The following KAT2B variants were observed in gnomAD, a reference collection of about 807,000 sequenced individuals.
KAT2B encodes the protein histone acetyltransferase KAT2B.
A neutral mutation model predicts 105.9 loss-of-function variants in KAT2B; 36 were observed. The observed-to-expected ratio is 0.34, with a 90% CI of 0.26 to 0.45. KAT2B has a LOEUF of 0.45. Ranked by LOEUF, KAT2B falls within the 20% of genes least tolerant of loss-of-function variation. KAT2B has a pLI of 1.00. For synonymous variants in KAT2B, 397 were observed against 377.9 expected (o/e 1.05, Z -0.59); for missense variants, 820 against 1,021.6 (o/e 0.80, Z 2.69).
At chr3:20,141,786 CT>C (rs11417956) in intron 13 of KAT2B, among the ~76,000 whole-genome samples, 88 of 140,240 alleles carry the variant, frequency 6.3e-4, no homozygotes, top group Non-Finnish European at 7.1e-4. Context: ...TGAGCAAAGG[CT>C]TTTTTTTTTT....
chr3:20,057,398 T>C (rs1698020133), intron 1 of KAT2B, among the ~76,000 whole-genome samples: 1 of 152,162 alleles, frequency 6.6e-6, no homozygotes, highest in South Asian at 2.1e-4. Context: ...CATGAGAACG[T>C]GAGCTGTCCA....
intron 11 of KAT2B, among the ~76,000 whole-genome samples, chr3:20,134,725 C>CT (rs1699571911): frequency 6.6e-6 from 1 of 152,086 alleles, no homozygotes; most frequent in Non-Finnish European, 1.5e-5. Flanking sequence ...GCCCAGCCCA[C>CT]TATTGAAGAT....
chr3:20,099,877 A>G lies in KAT2B; in HGVS notation c.592A>G (p.Ile198Val), dbSNP rs182486173. The G allele has an allele frequency of 3.7e-4, 593 of 1,597,994 alleles. 1 individual carries two copies. Among genetic ancestry groups the G allele is most frequent in the Non-Finnish European group, 4.6e-4 (541 of 1,168,094 alleles). ...TTCTTTGCAGCTCTTGAGAAAGTCT[A>G]TTTTACAAAGAGGAAAACCTGTGGT... The part of the protein sequence containing the change: ...FYLFKLLRKS[I>V]LQRGKPVVEG... The change falls in exon 4 of 18, where the codon ATT becomes GTT. Residue 198 changes from isoleucine to valine, a missense_variant. This residue lies in a region of KAT2B where 173 missense variants were observed against 249.5 expected (regional missense o/e 0.69). Transcript: ENST00000263754.
chr3:20,133,282 T>C (rs1699543145), intron 11 of KAT2B, among the ~76,000 whole-genome samples: 1 of 152,212 alleles, frequency 6.6e-6, no homozygotes, highest in South Asian at 2.1e-4. Context: ...TGCATTGCAT[T>C]ACTGGAAAAA....
intron 13 of KAT2B, among the ~76,000 whole-genome samples, chr3:20,144,438 G>T (rs1190849204): frequency 6.6e-6 from 1 of 151,144 alleles, no homozygotes; most frequent in African/African-American, 2.4e-5. Context: ...ACAGGCACCC[G>T]CCACCATGCC....
chr3:20,121,780 GTGTA>G (rs1433421869), intron 8 of KAT2B, among the ~76,000 whole-genome samples: 171 of 137,022 alleles, frequency 1.2e-3, no homozygotes, highest in South Asian at 2.4e-3. Context: ...GTGTGTGTGT[GTGTA>G]TAGCCAAGCC....
Position 20,091,687 on chromosome 3 carries a change from T to C in KAT2B, c.431-3576T>C, listed in dbSNP as rs201896939. Among the ~76,000 whole-genome samples the C allele has an allele frequency of 5.3e-5, 8 of 152,304 alleles. No individual in the cohort carries two copies. The East Asian group carries it at 1.5e-3, about 29-fold the overall frequency. ...GCATTTTGTAAGTTTTGGTATATTG[T>C]ATTTCCACTTCTGTTTGTCTTAAGA... is the stretch of plus-strand genomic sequence containing the variant. On this transcript the variant is annotated intron_variant, in intron 2 of 17. Coordinates refer to ENST00000263754, the MANE Select transcript of KAT2B (RefSeq NM_003884.5).
At chr3:20,076,358 T>C (rs1413198098) in intron 2 of KAT2B, among the ~76,000 whole-genome samples, 2 of 152,198 alleles carry the variant, frequency 1.3e-5, no homozygotes, top group East Asian at 3.8e-4. Context: ...CCTTTCTTCC[T>C]TGTTTCTTCT....
intron 14 of KAT2B, 56 bp downstream of exon 14, chr3:20,146,486 T>C (rs1309975888): frequency 2.1e-6 from 2 of 941,662 alleles, no homozygotes; most frequent in African/African-American, 3.3e-5. Context: ...GTGGTTTGTG[T>C]TTGAAACAAT....
intron 2 of KAT2B, among the ~76,000 whole-genome samples, chr3:20,080,120 A>G (rs1258772321): frequency 1.3e-5 from 2 of 152,120 alleles, no homozygotes; most frequent in Non-Finnish European, 2.9e-5. Context: ...CCATAAAGTG[A>G]TGATACAATG....
chr3:20,099,774 AG>A, intron 3 of KAT2B, 87 bp from the exon 4 acceptor site: 1 of 675,344 alleles, frequency 1.5e-6, no homozygotes, highest in Non-Finnish European at 2.6e-6. Flanking sequence ...AGAGAGAGAG[AG>A]ACAGACAGAA....
chr3:20,127,330 C>A, intron 10 of KAT2B, 93 bp from the exon 11 acceptor site: 1 of 1,083,704 alleles, frequency 9.2e-7, no homozygotes, highest in Non-Finnish European at 1.4e-6. Flanking sequence ...TAGGACATGT[C>A]CCTCTTTCTT....
chr3:20,097,617 A>G (rs867776103), intron 3 of KAT2B, among the ~76,000 whole-genome samples: 40 of 152,134 alleles, frequency 2.6e-4, no homozygotes, highest in African/African-American at 8.7e-4. Flanking sequence ...GCTCACTGCA[A>G]CCTCCACCAC....
chr3:20,112,717 T>A (rs973472017), intron 6 of KAT2B, among the ~76,000 whole-genome samples: 4 of 152,204 alleles, frequency 2.6e-5, no homozygotes, highest in Non-Finnish European at 5.9e-5. Flanking sequence ...CATTCTGAAC[T>A]GCTGATGTAG....
intron 13 of KAT2B, among the ~76,000 whole-genome samples, chr3:20,145,688 TTA>T (rs1237426763): frequency 6.6e-6 from 1 of 151,838 alleles, no homozygotes; most frequent in Non-Finnish European, 1.5e-5. Context: ...GTGTGATGGC[TTA>T]TGTCATGGTT....
At chr3:20,041,611 C>G (rs1348444881) in intron 1 of KAT2B, among the ~76,000 whole-genome samples, 1 of 152,172 alleles carries the variant, frequency 6.6e-6, no homozygotes, top group Non-Finnish European at 1.5e-5. Context: ...GAGGATTGCC[C>G]GAGGCCGCGG....
chr3:20,123,124 G>T (rs7624514), intron 9 of KAT2B: 150,898 of 188,622 alleles, frequency 0.8, 61,457 homozygotes, highest in East Asian at 0.97. Context: ...ACTCTTTACT[G>T]AGATTCAGCA....
chr3:20,121,824 C>T (rs1699316337), intron 8 of KAT2B, among the ~76,000 whole-genome samples: 1 of 149,840 alleles, frequency 6.7e-6, no homozygotes, highest in African/African-American at 2.5e-5. Context: ...AGTGGGTAGA[C>T]TCATGAACAA....
At position 20,114,872 on chromosome 3, in the gene KAT2B, T is replaced by C; in HGVS notation, c.1044-10T>C. 6.8e-7 allele frequency: 1 copy of C among 1,473,332 alleles called. No individual in the cohort carries two copies. Among genetic ancestry groups the C allele is most frequent in the Admixed American group, 1.7e-5 (1 of 58,680 alleles). 91.3% of individuals were successfully genotyped at this position (1,473,332 alleles called of 1,614,324 possible). On this transcript the variant is annotated splice_polypyrimidine_tract_variant and intron_variant, in intron 6 of 17. Coordinates refer to ENST00000263754, the MANE Select transcript of KAT2B (RefSeq NM_003884.5). ...TTTTTTAATCTTATTGCTATTACTC[T>C]TGTGTCTAGATTTCTGTCCATGCTA...
Sources: allele counts gnomAD v4.1 joint callset (sites outside exome capture counted in the v4.1 genomes callset), GRCh38; gene constraint gnomAD v4.1.1; regional missense constraint gnomAD v4.1.1; transcripts MANE v1.5; gene names NCBI Gene and HGNC (gene_info 2026-07-23, HGNC 2026-07-21).